The following PPM1H variants were observed in gnomAD, a reference collection of about 807,000 sequenced individuals.
PPM1H encodes the protein protein phosphatase, Mg2+/Mn2+ dependent 1H, also known as protein phosphatase 1H.
In PPM1H, 27 loss-of-function variants were observed where a neutral mutation model predicts 54.9. The observed-to-expected ratio is 0.49, with a 90% confidence interval of 0.36 to 0.68. PPM1H has a LOEUF of 0.68. PPM1H is among the 30% of genes least tolerant of loss of function. The probability of loss-of-function intolerance (pLI) is 0.00; values close to 1 mark genes in which losing one functional copy is unlikely to be tolerated. For missense variants in PPM1H, 596 were observed against 667.8 expected (o/e 0.89, Z 1.19); for synonymous variants, 305 against 270.8 (o/e 1.13, Z -1.24).
intron 2 of PPM1H, among the ~76,000 whole-genome samples, chr12:62,825,866 A>G (rs1327968370): frequency 1.3e-5 from 2 of 150,306 alleles, no homozygotes; most frequent in Non-Finnish European, 2.9e-5. Context: ...CATGTACCCT[A>G]GAACTTAAAG....
chr12:62,720,751 T>G (rs561120474), intron 5 of PPM1H: 96 of 161,144 alleles, frequency 6.0e-4, no homozygotes, highest in Non-Finnish European at 1.1e-3. Flanking sequence ...TGGGGCTGGA[T>G]GCAGCAGACA....
At chr12:62,891,250 C>A (rs1348023246) in intron 1 of PPM1H, among the ~76,000 whole-genome samples, 3 of 152,060 alleles carry the variant, frequency 2.0e-5, no homozygotes, top group African/African-American at 4.8e-5. Context: ...TCATATCATA[C>A]CTATATGGGA....
chr12:62,898,551 T>C (rs1325230849), intron 1 of PPM1H, among the ~76,000 whole-genome samples: 2 of 152,208 alleles, frequency 1.3e-5, no homozygotes, highest in African/African-American at 4.8e-5. Context: ...CATACACAAA[T>C]CACAACACAC....
rs1872243007 is a variant in PPM1H, at chr12:62,934,168, T to C, written c.245+324A>G. On this transcript the variant is annotated intron_variant, in intron 1 of 9. Coordinates refer to ENST00000228705, the MANE Select transcript of PPM1H (RefSeq NM_020700.2). This position sits in a 1 kb window ranked among gnomAD's most constrained non-coding sequence, Gnocchi z 4.2. ...CCTTATGTGTTTCAAACTTCAGAGC[T>C]TTTCTGCCCGTTTTTTTTCCCCAAG... 1 of 301,548 alleles carries C rather than the reference T, an allele frequency of 3.3e-6. No homozygotes were observed. The highest frequency in any genetic ancestry group is 6.1e-6 in the Non-Finnish European group (1 of 163,320). The allele number at this position is 301,548 out of a possible 1,614,324, so 18.7% of individuals were successfully genotyped here. A position where few individuals can be genotyped will look rare whatever the true frequency, so the allele number is the denominator to read the frequency against.
chr12:62,806,730 C>T (rs979032688), intron 2 of PPM1H, among the ~76,000 whole-genome samples: 1 of 152,186 alleles, frequency 6.6e-6, no homozygotes, highest in Non-Finnish European at 1.5e-5. Context: ...TCCCTAAGGC[C>T]TCCCCAGCCA....
chr12:62,764,820 C>A (rs147541536), intron 4 of PPM1H, among the ~76,000 whole-genome samples: 1 of 152,098 alleles, frequency 6.6e-6, no homozygotes. Context: ...AGGACTGGCA[C>A]GGGGGGCCAT....
At chr12:62,665,798 G>A (rs1467593074) in intron 9 of PPM1H, among the ~76,000 whole-genome samples, 1 of 151,606 alleles carries the variant, frequency 6.6e-6, no homozygotes, top group Non-Finnish European at 1.5e-5. Context: ...GTGCAGTGGT[G>A]TGATCGATCT....
intron 4 of PPM1H, among the ~76,000 whole-genome samples, chr12:62,761,001 T>C (rs2076505507): frequency 6.6e-6 from 1 of 152,136 alleles, no homozygotes; most frequent in Non-Finnish European, 1.5e-5. Context: ...CACCAGGGTG[T>C]ACATGATTTT....
At chr12:62,717,477 A>G (rs934829098) in intron 6 of PPM1H, among the ~76,000 whole-genome samples, 2 of 148,766 alleles carry the variant, frequency 1.3e-5, no homozygotes, top group Non-Finnish European at 3.0e-5. Context: ...GAGAGAGAGA[A>G]AGAGAAGGAA....
At chr12:62,867,025 G>C (rs1349819512) in intron 1 of PPM1H, among the ~76,000 whole-genome samples, 1 of 152,020 alleles carries the variant, frequency 6.6e-6, no homozygotes, top group Non-Finnish European at 1.5e-5. Flanking sequence ...AATACCTCCA[G>C]TTCCAGCCTT....
chr12:62,923,063 T>TAA (rs1871851983), intron 1 of PPM1H, among the ~76,000 whole-genome samples: 1 of 142,082 alleles, frequency 7.0e-6, no homozygotes, highest in South Asian at 2.2e-4. Flanking sequence ...GCCAATGTTA[T>TAA]AAAACTGAAG....
intron 2 of PPM1H, among the ~76,000 whole-genome samples, chr12:62,824,003 AT>A (rs1351315300): frequency 1.3e-4 from 19 of 151,944 alleles, no homozygotes; most frequent in African/African-American, 4.4e-4. Context: ...AGAAAACCCC[AT>A]CTTCTCAGCC....
At chr12:62,815,156 C>A (rs556471421) in intron 2 of PPM1H, among the ~76,000 whole-genome samples, 1 of 152,006 alleles carries the variant, frequency 6.6e-6, no homozygotes, top group Non-Finnish European at 1.5e-5. Context: ...GAGCCATGAC[C>A]CTACAGCGTT....
intron 1 of PPM1H, among the ~76,000 whole-genome samples, chr12:62,849,152 G>A (rs1869085602): frequency 1.3e-5 from 2 of 152,224 alleles, no homozygotes; most frequent in South Asian, 4.1e-4. Context: ...CATACAAAGG[G>A]GTACAGGGCA....
At chr12:62,776,730 C>G (rs1385374494) in intron 4 of PPM1H, among the ~76,000 whole-genome samples, 1 of 152,220 alleles carries the variant, frequency 6.6e-6, no homozygotes, top group Admixed American at 6.5e-5. Context: ...ACAACCCTGG[C>G]TCACTTCCAA....
intron 7 of PPM1H, among the ~76,000 whole-genome samples, chr12:62,691,859 C>T (rs2076085058): frequency 6.6e-6 from 1 of 151,880 alleles, no homozygotes; most frequent in Non-Finnish European, 1.5e-5. Flanking sequence ...GGCCCTCTGC[C>T]CTGCTGGGAG....
In PPM1H at chr12:62,779,240, G is replaced by A. The variant is rs185328118; in HGVS notation, c.869+8986C>T. On this transcript the variant is annotated intron_variant, in intron 4 of 9. Coordinates refer to ENST00000228705, the MANE Select transcript of PPM1H (RefSeq NM_020700.2). ...ATATATATTTTTTTAGTAGAGACGGGGTTTCACCATGTTGGCCCAGCTGGT... is the reference window on the plus strand; with the variant it reads ...ATATATATTTTTTTAGTAGAGACGGAGTTTCACCATGTTGGCCCAGCTGGT... Among the ~76,000 whole-genome samples, 1,000 of 152,120 alleles carry A rather than the reference G, an allele frequency of 6.6e-3. 3 individuals carry two copies. The highest frequency in any genetic ancestry group is 0.011 in the Non-Finnish European group (746 of 67,996).
chr12:62,771,616 C>T (rs778029800), intron 4 of PPM1H, among the ~76,000 whole-genome samples: 1 of 152,144 alleles, frequency 6.6e-6, no homozygotes, highest in African/African-American at 2.4e-5. Flanking sequence ...TTATTATAAA[C>T]TTAAATATAT....
At chr12:62,709,493 C>T in intron 6 of PPM1H, among the ~76,000 whole-genome samples, 1 of 152,128 alleles carries the variant, frequency 6.6e-6, no homozygotes, top group Non-Finnish European at 1.5e-5. Context: ...GGCACAGTGC[C>T]CTTTGCTCCG....
Sources: allele counts gnomAD v4.1 joint callset (sites outside exome capture counted in the v4.1 genomes callset), GRCh38; gene constraint gnomAD v4.1.1; non-coding constraint Gnocchi (gnomAD v3.1); transcripts MANE v1.5; gene names NCBI Gene and HGNC (gene_info 2026-07-23, HGNC 2026-07-21).